PRKCH: variants seen among roughly 807,000 people sequenced by gnomAD.
PRKCH encodes protein kinase C eta.
Under a neutral mutation model 82.5 loss-of-function variants are expected in PRKCH, and 28 were observed. The observed-to-expected ratio is 0.34, with a 90% CI of 0.25 to 0.47. The LOEUF is 0.47. Among genes scored for constraint, PRKCH ranks in the 20% least tolerant of loss-of-function variants. The probability of loss-of-function intolerance (pLI) is 1.00; values close to 1 mark genes in which losing one functional copy is unlikely to be tolerated. For synonymous variants in PRKCH, 322 were observed against 327.4 expected, an observed-to-expected ratio of 0.98 and a Z score of 0.18; for missense variants, 705 against 881.8, an observed-to-expected ratio of 0.80 and a Z score of 2.54.
At chr14:61,290,090 G>A (rs908630790) in intron 1 of PRKCH, among the ~76,000 whole-genome samples, 1 of 152,118 alleles carries the variant, frequency 6.6e-6, no homozygotes. Context: ...TCAGTAGATC[G>A]AGACCAGCCT....
chr14:61,284,059 T>C (rs1042818956), intron 1 of PRKCH, among the ~76,000 whole-genome samples: 2 of 152,164 alleles, frequency 1.3e-5, no homozygotes, highest in Non-Finnish European at 2.9e-5. Context: ...TTACTGATAG[T>C]GCAAAGGCAG....
chr14:61,296,787 C>T (rs964977580), intron 1 of PRKCH, among the ~76,000 whole-genome samples: 8 of 152,132 alleles, frequency 5.3e-5, no homozygotes, highest in Admixed American at 2.6e-4. Flanking sequence ...ATAGTGTATA[C>T]GCATGAGGAA....
At chr14:61,366,941 T>A (rs951656506) in intron 1 of PRKCH, among the ~76,000 whole-genome samples, 3 of 152,090 alleles carry the variant, frequency 2.0e-5, no homozygotes, top group Non-Finnish European at 4.4e-5. Flanking sequence ...GCTTCTTCCC[T>A]TCTCTAAGAT....
intron 2 of PRKCH, among the ~76,000 whole-genome samples, chr14:61,439,781 G>C (rs114451036): frequency 6.6e-6 from 1 of 152,136 alleles, no homozygotes; most frequent in Non-Finnish European, 1.5e-5. Context: ...GGGAAGGGCC[G>C]TTTAGGAAGG....
chr14:61,337,546 GAGTAGCTGGGACTAC>G (rs2045875673), intron 1 of PRKCH, among the ~76,000 whole-genome samples: 1 of 152,156 alleles, frequency 6.6e-6, no homozygotes, highest in African/African-American at 2.4e-5. Context: ...TCAGCCACCT[GAGTAGCTGGGACTAC>G]AGTCGTGCAC....
intron 2 of PRKCH, among the ~76,000 whole-genome samples, chr14:61,434,962 A>T (rs1883603992): frequency 6.6e-6 from 1 of 152,214 alleles, no homozygotes; most frequent in Admixed American, 6.5e-5. Context: ...ATAAATATGG[A>T]TGCCCCACCC....
chr14:61,418,376 A>C (rs1301946510), intron 2 of PRKCH, among the ~76,000 whole-genome samples: 1 of 152,232 alleles, frequency 6.6e-6, no homozygotes, highest in African/African-American at 2.4e-5. Flanking sequence ...GTGATCATCA[A>C]AATAAATTTT....
intron 1 of PRKCH, among the ~76,000 whole-genome samples, chr14:61,377,449 T>A (rs984186340): frequency 6.6e-6 from 1 of 152,230 alleles, no homozygotes; most frequent in Non-Finnish European, 1.5e-5. Flanking sequence ...TGTCCAAATT[T>A]AAACTCATTT....
chr14:61,529,356 T>C lies in PRKCH; in HGVS notation c.1572+143T>C, dbSNP rs909733396. ...GAGCCGACACCTCTAGACTCATTTA[T>C]GGCTCATTGGGTGAATGATGGCTGA... On this transcript the variant is annotated intron_variant, in intron 11 of 13. Coordinates refer to ENST00000332981, the MANE Select transcript of PRKCH (RefSeq NM_006255.5). The C allele has an allele frequency of 4.4e-6, 4 of 912,176 alleles. No homozygotes were observed. In the African/African-American group the frequency reaches 6.9e-5, roughly 16 times the overall value. 56.5% of individuals were successfully genotyped at this position (912,176 alleles called of 1,614,324 possible). A position where few individuals can be genotyped will look rare whatever the true frequency, so the allele number is the denominator to read the frequency against.
At chr14:61,468,538 G>C (rs531581212) in intron 9 of PRKCH, among the ~76,000 whole-genome samples, 1 of 152,250 alleles carries the variant, frequency 6.6e-6, no homozygotes, top group African/African-American at 2.4e-5. Context: ...CAGGCTTTCT[G>C]ACCTTCTGTA....
At chr14:61,437,644 C>CT (rs1315606379) in intron 2 of PRKCH, among the ~76,000 whole-genome samples, 4 of 151,972 alleles carry the variant, frequency 2.6e-5, no homozygotes, top group Non-Finnish European at 4.4e-5. Context: ...ACCAGGAGAC[C>CT]TGGTGTTAAT....
chr14:61,498,366 G>A (rs1223100450), intron 10 of PRKCH, among the ~76,000 whole-genome samples: 2 of 152,128 alleles, frequency 1.3e-5, no homozygotes, highest in East Asian at 1.9e-4. Flanking sequence ...TCAACATGAT[G>A]TCAGAAATTG....
intron 1 of PRKCH, among the ~76,000 whole-genome samples, chr14:61,379,708 A>C (rs1163560764): frequency 6.6e-6 from 1 of 152,198 alleles, no homozygotes; most frequent in East Asian, 1.9e-4. Context: ...TCTCTAGGCA[A>C]CCCAGAGAGG....
chr14:61,521,365 T>C (rs1218167184), intron 10 of PRKCH, among the ~76,000 whole-genome samples: 1 of 152,156 alleles, frequency 6.6e-6, no homozygotes, highest in African/African-American at 2.4e-5. Context: ...TATTTAGCCA[T>C]TCCACGGTTG....
intron 2 of PRKCH, among the ~76,000 whole-genome samples, 158 bp from the exon 3 acceptor site, chr14:61,442,953 G>A (rs17098375): frequency 0.054 from 8,281 of 152,012 alleles, 271 homozygotes; most frequent in African/African-American, 0.086. Flanking sequence ...AAAGAGTCCT[G>A]TTAGGAAGCC....
At chr14:61,542,256 C>T (rs1337406150) in intron 12 of PRKCH, among the ~76,000 whole-genome samples, 1 of 151,684 alleles carries the variant, frequency 6.6e-6, no homozygotes, top group Non-Finnish European at 1.5e-5. Context: ...TGCACCATTG[C>T]ACTCCAGCCT....
At chr14:61,443,666 G>A (rs139339610) in intron 3 of PRKCH, among the ~76,000 whole-genome samples, 189 of 152,248 alleles carry the variant, frequency 1.2e-3, no homozygotes, top group African/African-American at 4.3e-3. Context: ...TAATGGTTGC[G>A]AGAAAACTAA....
chr14:61,266,465 G>A (rs1297333800), intron 1 of PRKCH, among the ~76,000 whole-genome samples: 1 of 152,104 alleles, frequency 6.6e-6, no homozygotes, highest in African/African-American at 2.4e-5. Context: ...TATAGGTCCA[G>A]AAAGTATGTA....
At chr14:61,262,541 T>G (rs1320313357) in intron 1 of PRKCH, among the ~76,000 whole-genome samples, 1 of 152,062 alleles carries the variant, frequency 6.6e-6, no homozygotes, top group Non-Finnish European at 1.5e-5. Flanking sequence ...GGCAAAGGGA[T>G]AATTGAGTGG....
Sources: allele counts gnomAD v4.1 joint callset (sites outside exome capture counted in the v4.1 genomes callset), GRCh38; gene constraint gnomAD v4.1.1; transcripts MANE v1.5; gene names NCBI Gene and HGNC (gene_info 2026-07-23, HGNC 2026-07-21).